The following FLT1 variants were observed in gnomAD, a reference collection of about 807,000 sequenced individuals.
FLT1 encodes the protein fms related receptor tyrosine kinase 1.
In FLT1, 49 loss-of-function variants were observed where a neutral mutation model predicts 156.3. The ratio of observed to expected loss-of-function variants is 0.31; its 90% CI spans 0.25 to 0.40. The LOEUF (loss-of-function observed/expected upper bound fraction) is 0.40. Ranked by LOEUF, FLT1 falls within the 10% of genes least tolerant of loss-of-function variation. The pLI, the probability that FLT1 is intolerant of heterozygous loss-of-function variation, is 1.00. For missense variants in FLT1, 1,322 were observed against 1,637.2 expected (o/e 0.81, Z 3.32); for synonymous variants, 594 against 583.8 (o/e 1.02, Z -0.25).
intron 1 of FLT1, among the ~76,000 whole-genome samples, chr13:28,474,621 C>T (rs190832515): frequency 1.8e-3 from 281 of 151,970 alleles, no homozygotes; most frequent in African/African-American, 6.3e-3. Flanking sequence ...GCAGGCAAAT[C>T]CTGGAGACAG....
intron 1 of FLT1, among the ~76,000 whole-genome samples, chr13:28,474,333 G>A (rs1026720462): frequency 1.2e-4 from 18 of 152,232 alleles, no homozygotes; most frequent in African/African-American, 4.1e-4. Context: ...GCATGCACCT[G>A]TAATCCCAGC....
At chr13:28,390,215 T>G (rs1874625516) in intron 12 of FLT1, 111 bp from the exon 13 acceptor site, 1 of 1,422,956 alleles carries the variant, frequency 7.0e-7, no homozygotes, top group Admixed American at 2.0e-5. Flanking sequence ...GTATCCACAT[T>G]AAAAAGGATG....
At chr13:28,352,113 TTAGAGTTGAGGTA>T (rs1793304256) in intron 15 of FLT1, among the ~76,000 whole-genome samples, 1 of 152,154 alleles carries the variant, frequency 6.6e-6, no homozygotes, top group Non-Finnish European at 1.5e-5. Flanking sequence ...CTGTGCTACC[TTAGAGTTGAGGTA>T]TAGAGCATAA....
At chr13:28,395,596 A>T (rs1874998319) in intron 12 of FLT1, among the ~76,000 whole-genome samples, 1 of 151,614 alleles carries the variant, frequency 6.6e-6, no homozygotes, top group Admixed American at 6.7e-5. Context: ...TTTTACTTTT[A>T]AAAAAACGTG....
chr13:28,389,895 T>C lies in FLT1; in HGVS notation c.1870A>G (p.Met624Val), dbSNP rs757629765. The change falls in exon 13 of 30, where the codon ATG becomes GTG. Residue 624 changes from methionine to valine, a missense_variant. Physicochemically the swap from Met to Val is conservative, Grantham distance 21. This residue lies in a region of FLT1 where 991 missense variants were observed against 1,254.8 expected (regional missense o/e 0.79). Transcript: ENST00000282397. ...CCTGAATCTTGCAGGGAAACATTCA[T>C]GATGGTAAGATTAAGAGTGATGGAG... is the stretch of plus-strand genomic sequence containing the variant. ...EHSITLNLTI[M>V]NVSLQDSGTY... 8 of 1,614,050 alleles carry C rather than the reference T, an allele frequency of 5.0e-6. No homozygotes were observed. The African/African-American group carries it at 1.1e-4, about 22-fold the overall frequency.
rs751477053 is a variant in FLT1, at chr13:28,327,419, C to T, written c.2796+43G>A. ...TATGTTGTTACAGACTAAATGAAAA[C>T]TCATTGCTATCTTTAAAAACCTCCA... On this transcript the variant is annotated intron_variant, in intron 20 of 29. Transcript: ENST00000282397. The T allele has an allele frequency of 3.4e-6, 4 of 1,181,760 alleles. No homozygotes were observed. In the South Asian group the frequency reaches 4.9e-5, roughly 14 times the overall value. 73.2% of individuals were successfully genotyped at this position (1,181,760 alleles called of 1,614,324 possible).
In FLT1 at chr13:28,463,338, G is replaced by A. The variant is rs113854973; in HGVS notation, c.388+3565C>T. On this transcript the variant is annotated intron_variant, in intron 3 of 29. Transcript: ENST00000282397. Reference sequence around the variant, plus strand: ...TAATCAGTGCTCAGGTGGGAACAGCGCCTGTTACACAGCAGGCAATCAATA... The same window carrying A: ...TAATCAGTGCTCAGGTGGGAACAGCACCTGTTACACAGCAGGCAATCAATA... Among the ~76,000 whole-genome samples the A allele has an allele frequency of 4.7e-3, 719 of 152,222 alleles. 6 individuals carry two copies. Among genetic ancestry groups the A allele is most frequent in the African/African-American group, 0.016 (650 of 41,534 alleles).
chr13:28,351,395 T>C (rs2138865948), intron 15 of FLT1, among the ~76,000 whole-genome samples: 1 of 152,320 alleles, frequency 6.6e-6, no homozygotes, highest in South Asian at 2.1e-4. Flanking sequence ...AGAAAATTAC[T>C]CAGATGCACT....
intron 1 of FLT1, among the ~76,000 whole-genome samples, chr13:28,491,043 G>A (rs1219693986): frequency 6.6e-6 from 1 of 152,118 alleles, no homozygotes. Context: ...ATTTGTTCTT[G>A]TCTTGCCCAA....
intron 11 of FLT1, among the ~76,000 whole-genome samples, chr13:28,401,369 G>T (rs890981610): frequency 6.6e-6 from 1 of 152,096 alleles, no homozygotes; most frequent in Non-Finnish European, 1.5e-5. Context: ...CCATTCTCTA[G>T]GCTCTTTGGT....
chr13:28,417,379 C>T (rs1876712495), intron 10 of FLT1, among the ~76,000 whole-genome samples: 1 of 152,098 alleles, frequency 6.6e-6, no homozygotes, highest in Non-Finnish European at 1.5e-5. Flanking sequence ...TCTACCCATC[C>T]TCTTCAGGGC....
intron 17 of FLT1, among the ~76,000 whole-genome samples, chr13:28,337,433 C>T (rs1872160387): frequency 1.3e-5 from 2 of 152,218 alleles, no homozygotes; most frequent in Non-Finnish European, 1.5e-5. Context: ...GACATTACTT[C>T]AAATTACTTT....
chr13:28,361,679 A>G (rs1298818087), intron 14 of FLT1, among the ~76,000 whole-genome samples: 1 of 152,214 alleles, frequency 6.6e-6, no homozygotes, highest in Admixed American at 6.5e-5. Context: ...GATGAGCAGT[A>G]TCGTCTAAAA....
intron 10 of FLT1, among the ~76,000 whole-genome samples, chr13:28,419,584 A>G (rs943348720): frequency 5.3e-5 from 8 of 152,226 alleles, no homozygotes; most frequent in Admixed American, 3.3e-4. Context: ...AGATCACTAT[A>G]AAAACCATCC....
chr13:28,345,604 A>T (rs1872536139), intron 15 of FLT1, 53 bp from the exon 16 acceptor site: 1 of 1,115,298 alleles, frequency 9.0e-7, no homozygotes, highest in African/African-American at 1.5e-5. Flanking sequence ...TCCCAAACTC[A>T]GAATCTTTGT....
intron 19 of FLT1, 59 bp downstream of exon 19, chr13:28,329,556 G>C (rs1871834357): frequency 4.1e-6 from 5 of 1,234,220 alleles, no homozygotes; most frequent in East Asian, 4.6e-5. Flanking sequence ...GTAAGGCAGA[G>C]AACTGTTCTC....
At position 28,427,803 on chromosome 13, in the gene FLT1, T is replaced by A. The variant is rs758303730; in HGVS notation, c.1225A>T (p.Ile409Leu). Reference protein sequence around the residue: ...DAGNYTILLSIKQSNVFKNLT... With the variant: ...DAGNYTILLSLKQSNVFKNLT... ...TTTTTAAACACATTTGACTGTTTTA[T>A]GCTCAGCAAGATTGTATAATTCCCT... Residue 409 changes from isoleucine (I) to leucine (L), a missense_variant, in exon 9 of 30, where the codon ATA becomes TTA. Physicochemically the swap from Ile to Leu is conservative, Grantham distance 5 (BLOSUM62 2). Coordinates refer to ENST00000282397, the MANE Select transcript of FLT1 (RefSeq NM_002019.4). 6.2e-7 allele frequency: 1 copy of A among 1,614,056 alleles called. No homozygotes were observed. Among genetic ancestry groups the A allele is most frequent in the Non-Finnish European group, 8.5e-7 (1 of 1,179,908 alleles).
rs575427217 is a variant in FLT1, at chr13:28,369,697, C to T, written c.2117-12012G>A. On this transcript the variant is annotated intron_variant, in intron 14 of 29. Transcript: ENST00000282397. ...GAATGTAAAAAAGAAAAAAAGTTGA[C>T]GTATGGGATAATTTGAGACACAGTG... Among the ~76,000 whole-genome samples the T allele has an allele frequency of 3.1e-4, 47 of 152,202 alleles. 1 individual carries two copies. The South Asian group carries it at 4.1e-3, about 13-fold the overall frequency.
At chr13:28,308,800 G>C (rs1870859573) in intron 28 of FLT1, 43 bp downstream of exon 28, 2 of 1,138,458 alleles carry the variant, frequency 1.8e-6, no homozygotes, top group African/African-American at 1.5e-5. Context: ...TCTGAAGAAG[G>C]GGTCTATCGG....
Sources: gnomAD v4.1 joint callset for allele counts (sites outside exome capture counted in the v4.1 genomes callset) on GRCh38, gnomAD v4.1.1 for gene constraint, gnomAD v4.1.1 regional missense constraint, MANE v1.5 for transcripts, NCBI Gene and HGNC (gene_info 2026-07-23, HGNC 2026-07-21) for gene names.